The following WDFY3 variants were observed in gnomAD, a reference collection of about 807,000 sequenced individuals.
WDFY3 encodes the protein WD repeat and FYVE domain containing 3.
WDFY3 carries 66 observed loss-of-function variants against 409.6 expected under a neutral mutation model. That is an observed-to-expected ratio of 0.16 (90% CI 0.13 to 0.20). The LOEUF (loss-of-function observed/expected upper bound fraction) is 0.20. Among genes scored for constraint, WDFY3 ranks in the 10% least tolerant of loss-of-function variants. WDFY3 has a pLI of 1.00. For missense variants in WDFY3, 3,031 were observed against 4,298.1 expected (o/e 0.71, Z 8.24); for synonymous variants, 1,521 against 1,537.1 (o/e 0.99, Z 0.25).
chr4:84,890,397 G>A (rs1277617339), intron 3 of WDFY3, among the ~76,000 whole-genome samples: 1 of 152,206 alleles, frequency 6.6e-6, no homozygotes, highest in Non-Finnish European at 1.5e-5. Context: ...ACCACACGTG[G>A]CCTTGCCCAA....
intron 50 of WDFY3, among the ~76,000 whole-genome samples, chr4:84,713,911 G>A (rs891655606): frequency 2.6e-5 from 4 of 152,126 alleles, no homozygotes; most frequent in African/African-American, 9.7e-5. Flanking sequence ...GAGGTCAGGA[G>A]ATCGAGACCA....
At chr4:84,955,169 C>T (rs1246222189) in intron 1 of WDFY3, among the ~76,000 whole-genome samples, 1 of 151,266 alleles carries the variant, frequency 6.6e-6, no homozygotes, top group Admixed American at 6.6e-5. Flanking sequence ...TGCCACTGCA[C>T]TCCAGCCTGG....
intron 1 of WDFY3, among the ~76,000 whole-genome samples, chr4:84,947,796 C>A (rs553138150): frequency 6.6e-6 from 1 of 151,136 alleles, no homozygotes; most frequent in African/African-American, 2.4e-5. Context: ...GAGGGAGGAC[C>A]ACTTACTTGA....
At chr4:84,731,879 G>C (rs1407268328) in intron 44 of WDFY3, among the ~76,000 whole-genome samples, 3 of 152,152 alleles carry the variant, frequency 2.0e-5, no homozygotes, top group Non-Finnish European at 4.4e-5. Flanking sequence ...ATATTTGGGA[G>C]AGCATATTTA....
chr4:84,918,850 C>CACAT (rs1768880107), intron 2 of WDFY3, among the ~76,000 whole-genome samples: 1 of 149,580 alleles, frequency 6.7e-6, no homozygotes, highest in African/African-American at 2.5e-5. Flanking sequence ...CACACACACA[C>CACAT]ATATATATAT....
intron 1 of WDFY3, among the ~76,000 whole-genome samples, chr4:84,952,415 T>C (rs1176033475): frequency 6.6e-6 from 1 of 152,186 alleles, no homozygotes; most frequent in Non-Finnish European, 1.5e-5. Flanking sequence ...ACAAAGAAAT[T>C]AGCTTTCAGA....
Position 84,804,909 on chromosome 4 carries a change from T to G in WDFY3, c.2430-1442A>C, listed in dbSNP as rs181566745. ...TTACTGATACACTCAGGAAGAAATC[T>G]TTACATCTTTGGACACTGAACTCTT... On this transcript the variant is annotated intron_variant, in intron 15 of 67. Transcript: ENST00000295888. Among the ~76,000 whole-genome samples the G allele has an allele frequency of 7.9e-5, 12 of 152,284 alleles. No individual in the cohort carries two copies. In the East Asian group the frequency reaches 2.3e-3, roughly 29 times the overall value.
rs541036151 is a variant in WDFY3, at chr4:84,885,830, G to A, written c.-32+11081C>T. On this transcript the variant is annotated intron_variant, in intron 3 of 67. Coordinates refer to ENST00000295888, the MANE Select transcript of WDFY3 (RefSeq NM_014991.6). The stretch of plus-strand genomic sequence containing the variant: ...TGAGAAAATGAACTGGATCTAAAGG[G>A]CAATTTTGCATCGTTTGGAATCTTG... Among the ~76,000 whole-genome samples the A allele has an allele frequency of 2.0e-5, 3 of 152,268 alleles. No individual in the cohort carries two copies. In the East Asian group the frequency reaches 5.8e-4, roughly 29 times the overall value.
chr4:84,823,436 T>C (rs775150495), intron 10 of WDFY3, among the ~76,000 whole-genome samples: 3 of 151,882 alleles, frequency 2.0e-5, no homozygotes, highest in East Asian at 3.9e-4. Context: ...ATTATTAAAA[T>C]GAAAAACTGG....
intron 56 of WDFY3, among the ~76,000 whole-genome samples, chr4:84,698,826 T>C (rs2148909421): frequency 6.6e-6 from 1 of 152,276 alleles, no homozygotes; most frequent in East Asian, 1.9e-4. Flanking sequence ...GAGCTGGGAT[T>C]ACAGGCACAC....
Position 84,766,301 on chromosome 4 carries a change from A to T in WDFY3, c.4921T>A (p.Leu1641Met), listed in dbSNP as rs752711237. Reference protein sequence around the residue: ...ILLRNRLLDILLKLIYTSKEK... With the variant: ...ILLRNRLLDIMLKLIYTSKEK... ...TTAGATGTATAAATTAGTTTTAGCAAGATATCCAGAAGTCTGTTCCTCAAA... is the reference window on the plus strand; with the variant it reads ...TTAGATGTATAAATTAGTTTTAGCATGATATCCAGAAGTCTGTTCCTCAAA... Residue 1641 changes from leucine to methionine, a missense_variant, in exon 31 of 68, where the codon TTG becomes ATG. Physicochemically the swap from Leu to Met is conservative, Grantham distance 15. Coordinates refer to ENST00000295888, the MANE Select transcript of WDFY3 (RefSeq NM_014991.6). 9.4e-6 allele frequency: 15 copies of T among 1,601,112 alleles called. No homozygotes were observed. In the South Asian group the frequency reaches 1.5e-4, roughly 16 times the overall value.
intron 6 of WDFY3, among the ~76,000 whole-genome samples, chr4:84,839,206 TATTAAAAGTTAATATTA>T (rs2150010476): frequency 6.6e-6 from 1 of 152,228 alleles, no homozygotes; most frequent in African/African-American, 2.4e-5. Context: ...TAGAAAACTG[TATTAAAAGTTAATATTA>T]CTTATATTAA....
In WDFY3 at chr4:84,672,681, A is replaced by T; in HGVS notation, c.*187T>A. Reference sequence around the variant, plus strand: ...ATATTCTTCTTGTGCTGTTCACCTGAATCGCGTCTGCCCCATTCCTGTACT... The same window carrying T: ...ATATTCTTCTTGTGCTGTTCACCTGTATCGCGTCTGCCCCATTCCTGTACT... On this transcript the variant is annotated 3_prime_UTR_variant, in exon 68 of 68. Transcript: ENST00000295888. 1 of 682,920 alleles carries T rather than the reference A, an allele frequency of 1.5e-6. No individual in the cohort carries two copies. Among genetic ancestry groups the T allele is most frequent in the Non-Finnish European group, 2.3e-6 (1 of 435,670 alleles). The allele number at this position is 682,920 out of a possible 1,614,324, so 42.3% of individuals were successfully genotyped here. A position where few individuals can be genotyped will look rare whatever the true frequency, so the allele number is the denominator to read the frequency against.
At chr4:84,705,951 C>G (rs1380416599) in intron 53 of WDFY3, among the ~76,000 whole-genome samples, 1 of 151,830 alleles carries the variant, frequency 6.6e-6, no homozygotes, top group South Asian at 2.1e-4. Context: ...CCCTGTCTCC[C>G]TCCAACGTTA....
At chr4:84,796,961 G>A (rs1351830427) in intron 18 of WDFY3, among the ~76,000 whole-genome samples, 3 of 152,018 alleles carry the variant, frequency 2.0e-5, no homozygotes, top group Non-Finnish European at 2.9e-5. Context: ...GCACACTGCA[G>A]AAATGTTGGA....
intron 53 of WDFY3, among the ~76,000 whole-genome samples, chr4:84,707,433 A>G (rs1012070750): frequency 6.6e-6 from 1 of 152,192 alleles, no homozygotes; most frequent in Non-Finnish European, 1.5e-5. Context: ...TTGGCCACTG[A>G]GCAGACATGG....
At chr4:84,951,795 G>A (rs1444950805) in intron 1 of WDFY3, among the ~76,000 whole-genome samples, 2 of 152,136 alleles carry the variant, frequency 1.3e-5, no homozygotes, top group African/African-American at 4.8e-5. Context: ...ATCAGGATAG[G>A]CAAAGCCACT....
At chr4:84,906,168 G>C (rs919151455) in intron 2 of WDFY3, among the ~76,000 whole-genome samples, 1 of 152,088 alleles carries the variant, frequency 6.6e-6, no homozygotes, top group African/African-American at 2.4e-5. Context: ...AGGAATATTA[G>C]ACTAAAAGGA....
intron 1 of WDFY3, among the ~76,000 whole-genome samples, chr4:84,938,184 A>G (rs987248553): frequency 6.6e-6 from 1 of 152,160 alleles, no homozygotes; most frequent in African/African-American, 2.4e-5. Flanking sequence ...TCTGGCACAT[A>G]GCAGGCATCC....
Sources: allele counts gnomAD v4.1 joint callset (sites outside exome capture counted in the v4.1 genomes callset), GRCh38; gene constraint gnomAD v4.1.1; transcripts MANE v1.5; gene names NCBI Gene and HGNC (gene_info 2026-07-23, HGNC 2026-07-21).